The following PRKAG1 variants were observed in gnomAD, a reference collection of about 807,000 sequenced individuals.
PRKAG1 encodes the protein 5'-AMP-activated protein kinase subunit gamma-1.
Under a neutral mutation model 48.2 loss-of-function variants are expected in PRKAG1, and 27 were observed. That is an observed-to-expected ratio of 0.56 (90% CI 0.41 to 0.77). The LOEUF (loss-of-function observed/expected upper bound fraction) is 0.77, where lower values mean the gene tolerates loss of function less well. Ranked by LOEUF, PRKAG1 falls within the 30% of genes least tolerant of loss-of-function variation. PRKAG1 has a pLI of 0.00. For synonymous variants in PRKAG1, 130 were observed against 147.7 expected (o/e 0.88, Z 0.87); for missense variants, 287 against 398.3 (o/e 0.72, Z 2.38).
In PRKAG1 at chr12:49,018,691, A is replaced by T. The variant is rs374002947; in HGVS notation, c.9+41T>A. 7.4e-6 allele frequency: 12 copies of T among 1,613,362 alleles called. No individual in the cohort carries two copies. The African/African-American group carries it at 1.5e-4, about 20-fold the overall frequency. ...CTCCTAAGGGTTGGGGGGGTGTCTT[A>T]GGCTCCACAGCGCCCCCGACCGCCC... On this transcript the variant is annotated intron_variant, in intron 1 of 11. Transcript: ENST00000548065.
At chr12:49,018,515 A>T in intron 1 of PRKAG1, 1 of 1,424,248 alleles carries the variant, frequency 7.0e-7, no homozygotes, top group Non-Finnish European at 9.2e-7. Flanking sequence ...GGCTAAGGGT[A>T]CCGCGTACGG....
In PRKAG1 at chr12:49,002,487, G is replaced by A; in HGVS notation, c.*412C>T. On this transcript the variant is annotated 3_prime_UTR_variant, in exon 12 of 12. Transcript: ENST00000548065. ...GGCCTCCTCCATATAGCACGGAACA[G>A]GTGAATAAAAATATCTTTATGAAGA... 3.0e-6 allele frequency: 1 copy of A among 335,136 alleles called. No homozygotes were observed. The highest frequency in any genetic ancestry group is 2.4e-5 in the South Asian group (1 of 41,396). 20.8% of individuals were successfully genotyped at this position (335,136 alleles called of 1,614,324 possible).
chr12:49,009,440 C>T (rs897280612), intron 2 of PRKAG1: 4 of 151,988 alleles, frequency 2.6e-5, no homozygotes, highest in South Asian at 2.1e-4. Flanking sequence ...TGATTTTTAA[C>T]TCTCCTTTCT....
chr12:49,005,972 C>T lies in PRKAG1; in HGVS notation c.59-120G>A. 1.4e-6 allele frequency: 1 copy of T among 732,766 alleles called. No homozygotes were observed. Among genetic ancestry groups the T allele is most frequent in the South Asian group, 1.9e-5 (1 of 52,134 alleles). The allele number at this position is 732,766 out of a possible 1,614,324, so 45.4% of individuals were successfully genotyped here. A position where few individuals can be genotyped will look rare whatever the true frequency, so the allele number is the denominator to read the frequency against. On this transcript the variant is annotated intron_variant, in intron 2 of 11. Coordinates refer to ENST00000548065, the MANE Select transcript of PRKAG1 (RefSeq NM_002733.5). The surrounding 1 kb of genome is among the most constrained non-coding windows in gnomAD (Gnocchi z 4.1). The stretch of plus-strand genomic sequence containing the variant: ...TTTAGAGCATTATTTTTTAATAAGA[C>T]CCCTTATTTTATCTGTCTTGTTCCT...
intron 1 of PRKAG1, 74 bp from the exon 2 acceptor site, chr12:49,013,184 C>T: frequency 1.5e-6 from 2 of 1,310,352 alleles, no homozygotes; most frequent in Non-Finnish European, 2.2e-6. Flanking sequence ...AGGGGAAGGG[C>T]TGGTGAACAA....
Position 49,005,600 on chromosome 12 carries a change from A to G in PRKAG1, c.169-57T>C. 1 of 1,613,954 alleles carries G rather than the reference A, an allele frequency of 6.2e-7. No homozygotes were observed. The highest frequency in any genetic ancestry group is 8.5e-7 in the Non-Finnish European group (1 of 1,179,958). ...AAATCCACAGGGGCAGGACTGTAAA[A>G]AAAGAACAGTGTTTGGGCATGTTGG... is the stretch of plus-strand genomic sequence containing the variant. On this transcript the variant is annotated intron_variant, in intron 3 of 11. Coordinates refer to ENST00000548065, the MANE Select transcript of PRKAG1 (RefSeq NM_002733.5). The surrounding 1 kb of genome is among the most constrained non-coding windows in gnomAD (Gnocchi z 4.1).
Position 49,018,746 on chromosome 12 carries a change from G to A in PRKAG1, c.-6C>T, listed in dbSNP as rs180760469. ...GCACTCCTCACCGTCTCCATTGCAAGAGGCGCCCGGCTTGGTTTCCTCGCT... is the reference window on the plus strand; with the variant it reads ...GCACTCCTCACCGTCTCCATTGCAAAAGGCGCCCGGCTTGGTTTCCTCGCT... On this transcript the variant is annotated 5_prime_UTR_variant, in exon 1 of 12. Transcript: ENST00000548065. 6.4e-4 allele frequency: 1,029 copies of A among 1,612,930 alleles called. 4 individuals are homozygous for A. The highest frequency in any genetic ancestry group is 5.4e-3 in the African/African-American group (406 of 75,016).
rs576159304 is a variant in PRKAG1 at position 49,004,604 on chromosome 12, C to T, written c.440G>A (p.Arg147Gln). 4.0e-5 allele frequency: 64 copies of T among 1,613,800 alleles called. No homozygotes were observed. Among genetic ancestry groups the T allele is most frequent in the Non-Finnish European group, 5.3e-5 (62 of 1,179,964 alleles). The part of the protein sequence containing the change: ...SLFDAVSSLI[R>Q]NKIHRLPVID... ...AACTGGCAGCCTGTGGATCTTGTTC[C>T]GAATTAATGAAGAGACAGCATCAAA... Residue 147 changes from arginine (R) to glutamine (Q), a missense_variant, in exon 8 of 12, where the codon CGG becomes CAG. Arg to Gln is a conservative substitution (Grantham distance 43). This residue lies in a region of PRKAG1 where 224 missense variants were observed against 344.3 expected (regional missense o/e 0.65). Transcript: ENST00000548065.
chr12:49,004,455 T>A, intron 8 of PRKAG1, 52 bp downstream of exon 8: 1 of 1,591,644 alleles, frequency 6.3e-7, no homozygotes. Context: ...AATCAATCAA[T>A]CAATCAATCA....
At chr12:49,003,038 G>A (rs1029259163) in intron 11 of PRKAG1, 32 bp from the exon 12 acceptor site, 7 of 1,612,968 alleles carry the variant, frequency 4.3e-6, no homozygotes, top group Non-Finnish European at 5.9e-6. Flanking sequence ...GAAAGGGAAT[G>A]TTTAGTGCTG....
intron 11 of PRKAG1, 48 bp from the exon 12 acceptor site, chr12:49,003,054 A>G (rs775895027): frequency 9.3e-6 from 15 of 1,612,740 alleles, no homozygotes; most frequent in Non-Finnish European, 1.3e-5. Context: ...TGCTGGCCTC[A>G]GGGGAAGCCC....
intron 2 of PRKAG1, 73 bp downstream of exon 2, chr12:49,012,989 A>T: frequency 7.0e-7 from 1 of 1,436,210 alleles, no homozygotes. Context: ...AGAGATTCAA[A>T]AGCATTGTTG....
rs112496538 is a variant in PRKAG1, at chr12:49,014,307, T to C, written c.10-1197A>G. ...GCCTTCCAGAAATGCTTCTATCCAC[T>C]TCTGAGCTGAACGAGCATTATCTGC... On this transcript the variant is annotated intron_variant, in intron 1 of 11. Transcript: ENST00000548065. 5.3e-4 allele frequency among the ~76,000 whole-genome samples: 81 copies of C among 152,352 alleles called. 1 individual carries two copies. The highest frequency in any genetic ancestry group is 1.9e-3 in the African/African-American group (79 of 41,590).
chr12:49,018,662 C>G (rs1264117451), intron 1 of PRKAG1, 70 bp downstream of exon 1: 2 of 1,607,922 alleles, frequency 1.2e-6, no homozygotes, highest in Non-Finnish European at 1.7e-6. Flanking sequence ...CCGGCCCTCC[C>G]GGTCTCCTAA....
intron 1 of PRKAG1, among the ~76,000 whole-genome samples, chr12:49,013,944 G>A (rs1256276141): frequency 2.6e-5 from 4 of 152,086 alleles, no homozygotes; most frequent in African/African-American, 9.7e-5. Flanking sequence ...GAGTGCAGTG[G>A]CGTGATCTTG....
At position 49,005,261 on chromosome 12, in the gene PRKAG1, T is replaced by C. The variant is rs758413302; in HGVS notation, c.309+45A>G. ...GAAAAAGAAATGAGAATGAGGGATT[T>C]AGGGCAGGGAAAGTGATTTTGGTCA... On this transcript the variant is annotated intron_variant, in intron 5 of 11. Transcript: ENST00000548065. The surrounding 1 kb of genome is among the most constrained non-coding windows in gnomAD (Gnocchi z 4.1). 6.2e-7 allele frequency: 1 copy of C among 1,613,076 alleles called. No homozygotes were observed. The highest frequency in any genetic ancestry group is 1.7e-5 in the Admixed American group (1 of 60,010).
chr12:49,007,142 C>T (rs576458330), intron 2 of PRKAG1, among the ~76,000 whole-genome samples: 194 of 151,934 alleles, frequency 1.3e-3, no homozygotes, highest in Non-Finnish European at 2.0e-3. Context: ...TAAAAATTAG[C>T]CAGGCGTGGT....
intron 7 of PRKAG1, 45 bp downstream of exon 7, chr12:49,004,919 C>T: frequency 6.3e-7 from 1 of 1,598,210 alleles, no homozygotes; most frequent in Non-Finnish European, 8.6e-7. Context: ...AGGCTGATGA[C>T]AAAATCTCTT....
At chr12:49,004,861 G>A (rs182334942) in intron 7 of PRKAG1, 103 bp downstream of exon 7, 27,978 of 1,034,834 alleles carry the variant, frequency 0.027, 491 homozygotes, top group Non-Finnish European at 0.03. Context: ...GTGTGTGTGT[G>A]TCTTTTCTCT....
Sources: gnomAD v4.1 joint callset for allele counts (sites outside exome capture counted in the v4.1 genomes callset) on GRCh38, gnomAD v4.1.1 for gene constraint, gnomAD v4.1.1 regional missense constraint, Gnocchi (gnomAD v3.1) non-coding constraint, MANE v1.5 for transcripts, NCBI Gene and HGNC (gene_info 2026-07-23, HGNC 2026-07-21) for gene names.